Variants in RNF13 observed in about 807,000 individuals in gnomAD.
RNF13 encodes E3 ubiquitin-protein ligase RNF13.
In RNF13, 19 loss-of-function variants were observed where a neutral mutation model predicts 37.7. The observed-to-expected ratio is 0.50, with a 90% CI of 0.35 to 0.74. RNF13 has a LOEUF of 0.74. Ranked by LOEUF, RNF13 falls within the 30% of genes least tolerant of loss-of-function variation. The probability of loss-of-function intolerance (pLI) is 0.01; values close to 1 mark genes in which losing one functional copy is unlikely to be tolerated. For synonymous variants in RNF13, 144 were observed against 157.8 expected (o/e 0.91, Z 0.65); for missense variants, 375 against 453.0 (o/e 0.83, Z 1.56).
At chr3:149,837,380 T>C (rs1317209762) in intron 1 of RNF13, among the ~76,000 whole-genome samples, 1 of 152,192 alleles carries the variant, frequency 6.6e-6, no homozygotes, top group Non-Finnish European at 1.5e-5. Flanking sequence ...TACTTTACTA[T>C]AATAGATAGC....
chr3:149,959,311 AAAAC>A (rs201095288), intron 8 of RNF13, among the ~76,000 whole-genome samples: 2,347 of 152,272 alleles, frequency 0.015, 55 homozygotes, highest in African/African-American at 0.052. Flanking sequence ...TCCGTCTCCA[AAAAC>A]AAACAAACAA....
intron 1 of RNF13, among the ~76,000 whole-genome samples, chr3:149,841,616 C>T (rs866892393): frequency 2.0e-4 from 30 of 151,868 alleles, no homozygotes; most frequent in African/African-American, 7.2e-4. Flanking sequence ...TGAGCAGATT[C>T]TTTTTTTTAT....
intron 8 of RNF13, among the ~76,000 whole-genome samples, chr3:149,929,803 A>G (rs983003388): frequency 6.6e-6 from 1 of 152,116 alleles, no homozygotes; most frequent in African/African-American, 2.4e-5. Flanking sequence ...TCTCCCTTGA[A>G]TCACCTTTGC....
At chr3:149,845,420 G>A (rs1722548954) in intron 1 of RNF13, among the ~76,000 whole-genome samples, 1 of 152,142 alleles carries the variant, frequency 6.6e-6, no homozygotes. Context: ...GATGAAGTTG[G>A]GAGAGGTAGT....
intron 5 of RNF13, 48 bp downstream of exon 5, chr3:149,895,608 G>T: frequency 8.1e-7 from 1 of 1,241,920 alleles, no homozygotes; most frequent in Non-Finnish European, 1.1e-6. Context: ...CAGATCATTT[G>T]TAACTAAAAA....
At chr3:149,930,289 T>C (rs1479390894) in intron 8 of RNF13, among the ~76,000 whole-genome samples, 1 of 152,176 alleles carries the variant, frequency 6.6e-6, no homozygotes, top group Admixed American at 6.5e-5. Context: ...GTTACTTCAG[T>C]ATGGTGTTGG....
intron 2 of RNF13, among the ~76,000 whole-genome samples, chr3:149,848,494 G>C (rs1277043102): frequency 1.3e-5 from 2 of 152,192 alleles, no homozygotes; most frequent in Non-Finnish European, 2.9e-5. Flanking sequence ...AGTGAGTTAA[G>C]AGGTAGAAAA....
intron 6 of RNF13, among the ~76,000 whole-genome samples, chr3:149,903,905 T>C (rs947122660): frequency 1.3e-5 from 2 of 152,038 alleles, no homozygotes; most frequent in Non-Finnish European, 2.9e-5. Context: ...TACATAAAGA[T>C]CTACTCTATC....
chr3:149,908,736 T>C (rs1716681571), intron 6 of RNF13, among the ~76,000 whole-genome samples: 1 of 152,204 alleles, frequency 6.6e-6, no homozygotes, highest in African/African-American at 2.4e-5. Context: ...TGTGTGGCTG[T>C]AAATCCACTG....
At chr3:149,865,867 T>G (rs1724761741) in intron 3 of RNF13, among the ~76,000 whole-genome samples, 1 of 151,876 alleles carries the variant, frequency 6.6e-6, no homozygotes, top group Admixed American at 6.6e-5. Flanking sequence ...TTGGATCTCG[T>G]GCAAGAAAGA....
intron 3 of RNF13, among the ~76,000 whole-genome samples, chr3:149,861,610 T>C (rs940700700): frequency 6.6e-5 from 10 of 152,072 alleles, no homozygotes; most frequent in Admixed American, 1.3e-4. Flanking sequence ...GATTGATAGA[T>C]ACCAGAGGGT....
chr3:149,889,563 A>G (rs1475264931), intron 4 of RNF13, among the ~76,000 whole-genome samples: 2 of 151,724 alleles, frequency 1.3e-5, no homozygotes, highest in African/African-American at 4.8e-5. Context: ...TCAGCCTCCC[A>G]AAGTGCTGGG....
chr3:149,906,322 CAT>C (rs1487664582), intron 6 of RNF13, among the ~76,000 whole-genome samples: 1 of 151,466 alleles, frequency 6.6e-6, no homozygotes, highest in African/African-American at 2.4e-5. Flanking sequence ...TTTACATGTG[CAT>C]ATGTTTTTAT....
chr3:149,882,216 G>A (rs1235638420), intron 4 of RNF13, among the ~76,000 whole-genome samples: 1 of 120,644 alleles, frequency 8.3e-6, no homozygotes, highest in Non-Finnish European at 1.6e-5. Flanking sequence ...TGGGGAAAAT[G>A]CAACATATCA....
At chr3:149,921,754 A>G (rs558678118) in intron 8 of RNF13, among the ~76,000 whole-genome samples, 3 of 152,272 alleles carry the variant, frequency 2.0e-5, no homozygotes, top group South Asian at 2.1e-4. Flanking sequence ...TAGTGCCACA[A>G]TACACATGTG....
chr3:149,879,608 T>C (rs1230669840), intron 4 of RNF13, among the ~76,000 whole-genome samples: 1 of 152,184 alleles, frequency 6.6e-6, no homozygotes, highest in Non-Finnish European at 1.5e-5. Flanking sequence ...GCATCTGGCC[T>C]GGTAATTCTT....
At chr3:149,868,668 C>T (rs1199810182) in intron 3 of RNF13, among the ~76,000 whole-genome samples, 1 of 150,170 alleles carries the variant, frequency 6.7e-6, no homozygotes, top group Non-Finnish European at 1.5e-5. Context: ...TCTTGTTATT[C>T]CACTCCCTCC....
chr3:149,904,349 C>T (rs182058341), intron 6 of RNF13, among the ~76,000 whole-genome samples: 9 of 151,948 alleles, frequency 5.9e-5, no homozygotes, highest in Non-Finnish European at 5.9e-5. Flanking sequence ...TAGAATATGT[C>T]ATAATAGATA....
chr3:149,847,155 C>G (rs1722723291), intron 2 of RNF13, among the ~76,000 whole-genome samples: 1 of 152,180 alleles, frequency 6.6e-6, no homozygotes, highest in Admixed American at 6.5e-5. Flanking sequence ...TTGAAAATAT[C>G]ATAAGTAGAA....
Sources: allele counts gnomAD v4.1 joint callset (sites outside exome capture counted in the v4.1 genomes callset), GRCh38; gene constraint gnomAD v4.1.1; transcripts MANE v1.5; gene names NCBI Gene and HGNC (gene_info 2026-07-23, HGNC 2026-07-21).